HEMK2: variants seen among roughly 807,000 people sequenced by gnomAD.
The protein encoded by HEMK2 is methyltransferase HEMK2.
chr21:28,703,874 A>G, the HEMK2 span, among the ~76,000 whole-genome samples: 3 of 152,222 alleles, frequency 2.0e-5, no homozygotes, highest in Admixed American at 6.5e-5. Context: ...GAGGTGTTAC[A>G]TATTTTCCAT....
chr21:28,801,663 G>T, the HEMK2 span, among the ~76,000 whole-genome samples: 1 of 151,984 alleles, frequency 6.6e-6, no homozygotes, highest in Non-Finnish European at 1.5e-5. Context: ...ACACAATATA[G>T]CAAAGGATAT....
the HEMK2 span, among the ~76,000 whole-genome samples, chr21:28,613,074 T>C: frequency 2.0e-5 from 3 of 150,760 alleles, no homozygotes; most frequent in African/African-American, 7.4e-5. Flanking sequence ...TGAAGAAATG[T>C]GATAGATAGA....
the HEMK2 span, among the ~76,000 whole-genome samples, chr21:28,689,023 C>T: frequency 6.6e-6 from 1 of 152,168 alleles, no homozygotes; most frequent in Non-Finnish European, 1.5e-5. Flanking sequence ...TATTTACTGT[C>T]TGGCCTTGTA....
the HEMK2 span, among the ~76,000 whole-genome samples, chr21:28,613,792 AG>A: frequency 6.6e-6 from 1 of 152,168 alleles, no homozygotes; most frequent in Admixed American, 6.6e-5. Context: ...AGAAAAAAAA[AG>A]AAATGGAGTT....
At chr21:28,824,405 G>A in the HEMK2 span, among the ~76,000 whole-genome samples, 6 of 152,188 alleles carry the variant, frequency 3.9e-5, no homozygotes, top group Non-Finnish European at 8.8e-5. Context: ...TTTGAAAAGT[G>A]TGTGTGTATG....
chr21:28,845,384 C>T, the HEMK2 span, among the ~76,000 whole-genome samples: 1 of 152,170 alleles, frequency 6.6e-6, no homozygotes, highest in African/African-American at 2.4e-5. Flanking sequence ...ACTATTCCCC[C>T]TTTGCATATT....
the HEMK2 span, among the ~76,000 whole-genome samples, chr21:28,842,427 T>C: frequency 1.3e-5 from 2 of 152,174 alleles, no homozygotes; most frequent in African/African-American, 4.8e-5. Flanking sequence ...ACTAATATCC[T>C]AACTTCTCAG....
the HEMK2 span, among the ~76,000 whole-genome samples, chr21:28,588,498 C>A: frequency 1.3e-5 from 2 of 152,030 alleles, no homozygotes; most frequent in Admixed American, 1.3e-4. Context: ...GAAGTCCTGC[C>A]CAATCAGAGA....
At chr21:28,698,616 T>C in the HEMK2 span, among the ~76,000 whole-genome samples, 10 of 152,214 alleles carry the variant, frequency 6.6e-5, no homozygotes, top group African/African-American at 2.2e-4. Context: ...ACAAAAGCTG[T>C]AAATAAGATC....
At chr21:28,582,594 C>T in the HEMK2 span, among the ~76,000 whole-genome samples, 1 of 152,002 alleles carries the variant, frequency 6.6e-6, no homozygotes, top group Non-Finnish European at 1.5e-5. Context: ...AGAAGGAAGC[C>T]CTCCCAGAGG....
chr21:28,695,619 A>G, the HEMK2 span, among the ~76,000 whole-genome samples: 2 of 152,130 alleles, frequency 1.3e-5, no homozygotes, highest in Non-Finnish European at 2.9e-5. Flanking sequence ...TGATTCAATT[A>G]TCTCCACCTG....
the HEMK2 span, among the ~76,000 whole-genome samples, chr21:28,827,246 GATATATGCA>G: frequency 6.6e-6 from 1 of 152,128 alleles, no homozygotes; most frequent in Non-Finnish European, 1.5e-5. Flanking sequence ...ATAATAAAAG[GATATATGCA>G]ACCTCAGAGA....
chr21:28,732,457 C>T, the HEMK2 span, among the ~76,000 whole-genome samples: 2 of 152,214 alleles, frequency 1.3e-5, no homozygotes, highest in Admixed American at 6.5e-5. Flanking sequence ...TCCCAGGTCA[C>T]ATAGCATCTC....
chr21:28,860,947 G>A, the HEMK2 span, among the ~76,000 whole-genome samples: 2 of 152,200 alleles, frequency 1.3e-5, no homozygotes, highest in African/African-American at 4.8e-5. Context: ...AGCTGGAAAT[G>A]CCTGATCTTC....
chr21:28,790,837 TG>T, the HEMK2 span, among the ~76,000 whole-genome samples: 1 of 61,188 alleles, frequency 1.6e-5, no homozygotes, highest in Non-Finnish European at 3.0e-5. Flanking sequence ...TGTTGTGGGG[TG>T]GGGGGAGGGG....
the HEMK2 span, among the ~76,000 whole-genome samples, chr21:28,646,751 G>A: frequency 2.6e-5 from 4 of 152,164 alleles, no homozygotes; most frequent in African/African-American, 9.7e-5. Context: ...AGCTCAGCTG[G>A]GGTTGTCAAG....
the HEMK2 span, among the ~76,000 whole-genome samples, chr21:28,665,390 T>TAAAAAA: frequency 2.7e-3 from 196 of 73,412 alleles, 5 homozygotes; most frequent in African/African-American, 0.013. Context: ...TTTTTTAATT[T>TAAAAAA]TTTTTTTTTT....
At chr21:28,679,834 G>T in the HEMK2 span, among the ~76,000 whole-genome samples, 3 of 151,548 alleles carry the variant, frequency 2.0e-5, no homozygotes, top group African/African-American at 7.3e-5. Context: ...CAGAAATAAA[G>T]ATGTTCTTTG....
chr21:28,804,404 A>T, the HEMK2 span, among the ~76,000 whole-genome samples: 4 of 152,180 alleles, frequency 2.6e-5, no homozygotes, highest in African/African-American at 9.7e-5. Context: ...AGCTGTCAAC[A>T]GAAAAATTCC....
Sources: gnomAD v4.1 joint callset for allele counts (sites outside exome capture counted in the v4.1 genomes callset) on GRCh38, gnomAD v4.1.1 for gene constraint, MANE v1.5 for transcripts, NCBI Gene and HGNC (gene_info 2026-07-23, HGNC 2026-07-21) for gene names.